DPP6: variants seen among roughly 807,000 people sequenced by gnomAD.
The protein encoded by DPP6 is dipeptidyl peptidase like 6, also known as A-type potassium channel modulatory protein DPP6.
A neutral mutation model predicts 122.6 loss-of-function variants in DPP6; 69 were observed. That is an observed-to-expected ratio of 0.56 (90% confidence interval 0.46 to 0.69). The LOEUF (loss-of-function observed/expected upper bound fraction) is 0.69. DPP6 is among the 30% of genes least tolerant of loss of function. DPP6 has a pLI of 0.00. For missense variants in DPP6, 928 were observed against 1,116.9 expected, an observed-to-expected ratio of 0.83 and a Z score of 2.41; for synonymous variants, 418 against 433.1, an observed-to-expected ratio of 0.97 and a Z score of 0.43.
At position 154,486,099 on chromosome 7, in the gene DPP6, CT is replaced by C. The variant is rs1333429035; in HGVS notation, c.457+11063del. Among the ~76,000 whole-genome samples the C allele has an allele frequency of 1.3e-5, 2 of 151,930 alleles. No homozygotes were observed. The highest frequency in any genetic ancestry group is 4.8e-5 in the African/African-American group (2 of 41,370). ...GTGTTCCTGCCTCAGTGTACCTTGC[CT>C]CCCCGGTCTCCTCACCACCCCTACT... On this transcript the variant is annotated intron_variant, in intron 3 of 25. Transcript: ENST00000377770. The surrounding 1 kb of genome is among the most constrained non-coding windows in gnomAD (Gnocchi z 4.5).
At chr7:154,343,673 T>A (rs2151065590) in intron 1 of DPP6, among the ~76,000 whole-genome samples, 1 of 152,336 alleles carries the variant, frequency 6.6e-6, no homozygotes, top group Middle Eastern at 3.4e-3. Context: ...CTCTGCCTCC[T>A]GGGTTCAGGC....
At chr7:153,960,398 C>G (rs1311088355) in intron 1 of DPP6, among the ~76,000 whole-genome samples, 1 of 152,120 alleles carries the variant, frequency 6.6e-6, no homozygotes, top group African/African-American at 2.4e-5. Flanking sequence ...TGGTCACATT[C>G]TTAATAGCCG....
At chr7:153,852,848 G>T in the DPP6 span, among the ~76,000 whole-genome samples, 3 of 151,920 alleles carry the variant, frequency 2.0e-5, no homozygotes, top group Non-Finnish European at 4.4e-5. Flanking sequence ...GTACTTTTTT[G>T]ATTTTCACAC....
chr7:154,795,506 G>A (rs1053857212), intron 11 of DPP6, among the ~76,000 whole-genome samples: 1 of 152,166 alleles, frequency 6.6e-6, no homozygotes, highest in Non-Finnish European at 1.5e-5. Flanking sequence ...CTATTAGATG[G>A]ACACATGCCC....
At chr7:154,062,981 A>G (rs112205280) in intron 1 of DPP6, among the ~76,000 whole-genome samples, 68,095 of 128,094 alleles carry the variant, frequency 0.53, 24,336 homozygotes, top group African/African-American at 0.69. Context: ...CCTTACGTGG[A>G]ATTACTGAGA....
At chr7:154,842,186 A>G (rs1237768333) in intron 16 of DPP6, among the ~76,000 whole-genome samples, 4 of 152,182 alleles carry the variant, frequency 2.6e-5, no homozygotes, top group Admixed American at 2.6e-4. Context: ...CTCTGCTCAC[A>G]GCTGTTCTTT....
At chr7:153,787,641 C>T in the DPP6 span, among the ~76,000 whole-genome samples, 82 of 148,076 alleles carry the variant, frequency 5.5e-4, 1 homozygote, top group South Asian at 2.2e-3. Context: ...TGTGGTGGTA[C>T]GCCCCTCTAG....
At chr7:154,891,372 T>C (rs7787683) in intron 25 of DPP6, 40,535 of 152,148 alleles carry the variant, frequency 0.27, 7,078 homozygotes, top group East Asian at 0.5. Flanking sequence ...TGGGACCGAA[T>C]GAGCCCACAT....
chr7:154,113,000 C>CAAA (rs1188898002), intron 1 of DPP6, among the ~76,000 whole-genome samples: 1 of 152,164 alleles, frequency 6.6e-6, no homozygotes, highest in East Asian at 1.9e-4. Flanking sequence ...TGGTTCATTT[C>CAAA]ACTTACCATA....
the DPP6 span, among the ~76,000 whole-genome samples, chr7:153,761,162 T>C: frequency 1.3e-5 from 2 of 152,198 alleles, no homozygotes; most frequent in Admixed American, 1.3e-4. Context: ...TCTCGAAATA[T>C]GTTGTTTCCT....
chr7:153,899,454 T>C (rs1452224295), intron 1 of DPP6, among the ~76,000 whole-genome samples: 2 of 152,204 alleles, frequency 1.3e-5, no homozygotes, highest in Non-Finnish European at 2.9e-5. Context: ...GTCTCGCTCA[T>C]CCACCTTTTG....
intron 1 of DPP6, among the ~76,000 whole-genome samples, chr7:154,121,562 A>G (rs1009776998): frequency 1.3e-5 from 2 of 152,204 alleles, no homozygotes; most frequent in Admixed American, 1.3e-4. Context: ...TTTAATTTCC[A>G]AATATTCTTG....
At chr7:154,151,723 A>T (rs1796433513) in intron 1 of DPP6, among the ~76,000 whole-genome samples, 1 of 151,696 alleles carries the variant, frequency 6.6e-6, no homozygotes, top group African/African-American at 2.4e-5. Flanking sequence ...TTGGGACCAC[A>T]TCAGTGCCTC....
At chr7:153,790,698 G>A in the DPP6 span, among the ~76,000 whole-genome samples, 7 of 152,326 alleles carry the variant, frequency 4.6e-5, no homozygotes, top group East Asian at 1.3e-3. Flanking sequence ...TCAGAAGAAT[G>A]TAAAGTATGT....
intron 7 of DPP6, among the ~76,000 whole-genome samples, chr7:154,671,652 T>C (rs1838562466): frequency 6.6e-6 from 1 of 152,072 alleles, no homozygotes; most frequent in Non-Finnish European, 1.5e-5. Flanking sequence ...TGTGTGTGTG[T>C]GCGTGTGCAT....
At chr7:154,485,389 A>G (rs973791130) in intron 3 of DPP6, among the ~76,000 whole-genome samples, 1 of 152,162 alleles carries the variant, frequency 6.6e-6, no homozygotes, top group African/African-American at 2.4e-5. Flanking sequence ...GTCATGCTCA[A>G]GGTCGCACCT....
intron 1 of DPP6, among the ~76,000 whole-genome samples, chr7:154,061,815 AG>A (rs1801975192): frequency 7.5e-6 from 1 of 133,326 alleles, no homozygotes; most frequent in African/African-American, 2.9e-5. Context: ...ACTGAGAGCG[AG>A]CCCCTCTTCC....
intron 3 of DPP6, among the ~76,000 whole-genome samples, chr7:154,503,958 T>G (rs1825462338): frequency 6.6e-6 from 1 of 152,116 alleles, no homozygotes; most frequent in African/African-American, 2.4e-5. Context: ...AACTTAAAAG[T>G]TGATGAAAAA....
intron 1 of DPP6, among the ~76,000 whole-genome samples, chr7:153,989,823 C>G (rs182393655): frequency 0.013 from 1,968 of 151,998 alleles, 23 homozygotes; most frequent in African/African-American, 0.045. Context: ...AGGATAGGGA[C>G]AGCATGTCCA....
Sources: gnomAD v4.1 joint callset for allele counts (sites outside exome capture counted in the v4.1 genomes callset) on GRCh38, gnomAD v4.1.1 for gene constraint, Gnocchi (gnomAD v3.1) non-coding constraint, MANE v1.5 for transcripts, NCBI Gene and HGNC (gene_info 2026-07-23, HGNC 2026-07-21) for gene names.